Variants in ENOPH1 observed in about 807,000 individuals in gnomAD.
ENOPH1 encodes the protein enolase-phosphatase E1.
Under a neutral mutation model 31.1 loss-of-function variants are expected in ENOPH1, and 14 were observed. The ratio of observed to expected loss-of-function variants is 0.45; its 90% CI spans 0.30 to 0.70. ENOPH1 has a LOEUF of 0.70. ENOPH1 is among the 30% of genes least tolerant of loss of function. ENOPH1 has a pLI of 0.09. For synonymous variants in ENOPH1, 127 were observed against 123.2 expected (o/e 1.03, Z -0.21); for missense variants, 243 against 321.5 (o/e 0.76, Z 1.87).
intron 5 of ENOPH1, among the ~76,000 whole-genome samples, chr4:82,458,492 A>C (rs1722558408): frequency 1.3e-5 from 2 of 152,216 alleles, no homozygotes; most frequent in Non-Finnish European, 2.9e-5. Flanking sequence ...CCTGAGCGAC[A>C]GAGAGAGACC....
At position 82,454,767 on chromosome 4, in the gene ENOPH1, C is replaced by T. The variant is rs527861374; in HGVS notation, c.435C>T (p.Ala145=). The change falls in exon 4 of 6, where the codon GCC becomes GCT. Residue 145 remains alanine, a synonymous_variant. Coordinates refer to ENST00000273920, the MANE Select transcript of ENOPH1 (RefSeq NM_021204.5). ...VVPAVRKWRE[A]GMKVYIYSSG... is the part of the protein sequence containing the mutation. ...CAGCAGTCAGGAAGTGGAGAGAGGC[C>T]GGAATGAAGGTGTACATCTATTCCT... 2.0e-5 allele frequency: 33 copies of T among 1,613,654 alleles called. No individual in the cohort carries two copies. In the African/African-American group the frequency reaches 2.7e-4, roughly 13 times the overall value.
intron 1 of ENOPH1, 76 bp downstream of exon 1, chr4:82,430,989 T>G: frequency 5.2e-5 from 68 of 1,302,610 alleles, no homozygotes; most frequent in Non-Finnish European, 6.9e-5. Context: ...TTTCAGGCCT[T>G]GCATTGGAGA....
intron 1 of ENOPH1, among the ~76,000 whole-genome samples, chr4:82,438,420 A>C (rs1878493): frequency 0.34 from 50,746 of 151,370 alleles, 10,008 homozygotes; most frequent in South Asian, 0.55. Flanking sequence ...TTGGAAGGCC[A>C]TGGCAAGGAG....
At chr4:82,452,383 A>G (rs113289026) in intron 3 of ENOPH1, among the ~76,000 whole-genome samples, 18,568 of 151,976 alleles carry the variant, frequency 0.12, 1,217 homozygotes, top group Middle Eastern at 0.29. Context: ...ATCTCAGCTC[A>G]CTGCAACTTC....
chr4:82,443,178 T>G (rs1722085746), intron 1 of ENOPH1, among the ~76,000 whole-genome samples: 1 of 152,132 alleles, frequency 6.6e-6, no homozygotes, highest in Admixed American at 6.5e-5. Flanking sequence ...GGCTCATGCC[T>G]GTAATGCCAG....
intron 4 of ENOPH1, among the ~76,000 whole-genome samples, chr4:82,456,595 G>C (rs1202928253): frequency 6.6e-6 from 1 of 152,162 alleles, no homozygotes; most frequent in Non-Finnish European, 1.5e-5. Flanking sequence ...AGTAGTTTGA[G>C]TGCAAATCAT....
At chr4:82,453,047 G>A (rs946784309) in intron 3 of ENOPH1, among the ~76,000 whole-genome samples, 1 of 151,908 alleles carries the variant, frequency 6.6e-6, no homozygotes, top group Admixed American at 6.6e-5. Context: ...GACTACAGGC[G>A]TGTGCCACCA....
chr4:82,443,218 C>T (rs761073834), intron 1 of ENOPH1, among the ~76,000 whole-genome samples: 35 of 152,048 alleles, frequency 2.3e-4, no homozygotes, highest in Admixed American at 8.5e-4. Context: ...GGGATGATTG[C>T]CTGAGTCCAC....
At chr4:82,459,016 G>A (rs1311559492) in intron 5 of ENOPH1, among the ~76,000 whole-genome samples, 1 of 152,158 alleles carries the variant, frequency 6.6e-6, no homozygotes, top group African/African-American at 2.4e-5. Flanking sequence ...TTCAGGTGCT[G>A]TGACTCTTCT....
At chr4:82,443,013 G>C (rs2110040385) in intron 1 of ENOPH1, among the ~76,000 whole-genome samples, 1 of 152,238 alleles carries the variant, frequency 6.6e-6, no homozygotes. Context: ...CACCATGTTG[G>C]CCAGGCTGAT....
At chr4:82,456,711 C>A (rs1048454582) in intron 4 of ENOPH1, among the ~76,000 whole-genome samples, 3 of 152,156 alleles carry the variant, frequency 2.0e-5, no homozygotes, top group Non-Finnish European at 4.4e-5. Flanking sequence ...GTATGTTGAG[C>A]TGGTAGTTTT....
In ENOPH1 at chr4:82,457,036, G is replaced by A. The variant is rs755510574; in HGVS notation, c.644G>A (p.Arg215Gln). Residue 215 changes from arginine to glutamine, a missense_variant and splice_region_variant, in exon 5 of 6, where the codon CGA becomes CAA. Physicochemically the swap from Arg to Gln is conservative, Grantham distance 43. Transcript: ENST00000273920. ...NNILFLTDVT[R>Q]EASAAEEADV... ...ATTTTGTTTCTGACAGATGTTACTC[G>A]AGGTGAGTAATAGACTTCTTATATT... The A allele has an allele frequency of 2.2e-5, 35 of 1,613,652 alleles. No homozygotes were observed. Among genetic ancestry groups the A allele is most frequent in the East Asian group, 1.6e-4 (7 of 44,878 alleles).
rs1005312951 is a variant in ENOPH1, at chr4:82,461,030, T to C, written c.*910T>C. On this transcript the variant is annotated 3_prime_UTR_variant, in exon 6 of 6. Coordinates refer to ENST00000273920, the MANE Select transcript of ENOPH1 (RefSeq NM_021204.5). ...AACAGCAGTATTTATCCTGGTTTAA[T>C]TCTAATACGATGTCATGTTAATTTC... 6.6e-6 allele frequency: 1 copy of C among 152,260 alleles called. No homozygotes were observed. The highest frequency in any genetic ancestry group is 1.5e-5 in the Non-Finnish European group (1 of 68,038). The allele number at this position is 152,260 out of a possible 1,614,324, so 9.4% of individuals were successfully genotyped here. A position where few individuals can be genotyped will look rare whatever the true frequency, so the allele number is the denominator to read the frequency against.
At chr4:82,444,024 G>A (rs1403840797) in intron 1 of ENOPH1, among the ~76,000 whole-genome samples, 3 of 151,788 alleles carry the variant, frequency 2.0e-5, no homozygotes, top group Non-Finnish European at 2.9e-5. Flanking sequence ...ACAGGCTCGC[G>A]CCACCACATC....
At chr4:82,457,099 A>G (rs1722510598) in intron 5 of ENOPH1, 61 bp downstream of exon 5, 2 of 1,464,414 alleles carry the variant, frequency 1.4e-6, no homozygotes, top group Non-Finnish European at 1.8e-6. Flanking sequence ...GGCACTACAA[A>G]TACATTGCCT....
intron 1 of ENOPH1, among the ~76,000 whole-genome samples, chr4:82,437,506 C>G (rs972634928): frequency 1.3e-5 from 2 of 152,136 alleles, no homozygotes; most frequent in East Asian, 3.8e-4. Context: ...AATGTCATAC[C>G]TTTTCGTCTC....
chr4:82,431,729 C>T (rs145620184), intron 1 of ENOPH1, among the ~76,000 whole-genome samples: 8 of 152,132 alleles, frequency 5.3e-5, no homozygotes, highest in Non-Finnish European at 8.8e-5. Context: ...TTATTTGGCT[C>T]CCTGAGGTTT....
chr4:82,449,609 C>G (rs1017750051), intron 2 of ENOPH1, among the ~76,000 whole-genome samples: 2 of 152,174 alleles, frequency 1.3e-5, no homozygotes, highest in African/African-American at 4.8e-5. Flanking sequence ...ACAAACCATT[C>G]ACGAGAAGTC....
chr4:82,452,588 C>T lies in ENOPH1; in HGVS notation c.389+1343C>T, dbSNP rs546133399. 8.9e-4 allele frequency among the ~76,000 whole-genome samples: 135 copies of T among 151,898 alleles called. 2 individuals carry two copies. The highest frequency in any genetic ancestry group is 1.1e-3 in the Admixed American group (17 of 15,246). On this transcript the variant is annotated intron_variant, in intron 3 of 5. Coordinates refer to ENST00000273920, the MANE Select transcript of ENOPH1 (RefSeq NM_021204.5). ...GATTACAGGTATGAGCCACCCCTCC[C>T]GGCCTATTTTTGTTTTTGGAGATAG...
Sources: gnomAD v4.1 joint callset for allele counts (sites outside exome capture counted in the v4.1 genomes callset) on GRCh38, gnomAD v4.1.1 for gene constraint, MANE v1.5 for transcripts, NCBI Gene and HGNC (gene_info 2026-07-23, HGNC 2026-07-21) for gene names.